The following CNTN3 variants were observed in gnomAD, a reference collection of about 807,000 sequenced individuals.
CNTN3 encodes contactin 3, also known as contactin-3.
Under a neutral mutation model 119.1 loss-of-function variants are expected in CNTN3, and 60 were observed. The ratio of observed to expected loss-of-function variants is 0.50; its 90% confidence interval spans 0.41 to 0.62. The LOEUF (loss-of-function observed/expected upper bound fraction) is 0.62. Ranked by LOEUF, CNTN3 falls within the 20% of genes least tolerant of loss-of-function variation. The pLI, the probability that CNTN3 is intolerant of heterozygous loss-of-function variation, is 0.00. For missense variants in CNTN3, 1,101 were observed against 1,242.4 expected (o/e 0.89, Z 1.71); for synonymous variants, 450 against 438.7 (o/e 1.03, Z -0.32).
chr3:74,526,316 C>T (rs1332731181), intron 1 of CNTN3, among the ~76,000 whole-genome samples: 1 of 151,798 alleles, frequency 6.6e-6, no homozygotes, highest in African/African-American at 2.4e-5. Flanking sequence ...TACTGTGAAT[C>T]TTCTAGAACT....
chr3:74,377,259 G>A (rs996610846), intron 5 of CNTN3, among the ~76,000 whole-genome samples: 1 of 152,008 alleles, frequency 6.6e-6, no homozygotes, highest in Non-Finnish European at 1.5e-5. Context: ...GAGAAGAGCT[G>A]CACTAACTTT....
In CNTN3 at chr3:74,408,152, C is replaced by T. The variant is rs540850159; in HGVS notation, c.454+16693G>A. ...AATTCTGCTCCACTGTGGGACGGTG[C>T]AAACTTCAAGCTAATGTGCTTCAAA... On this transcript the variant is annotated intron_variant, in intron 5 of 22. Coordinates refer to ENST00000263665, the MANE Select transcript of CNTN3 (RefSeq NM_020872.3). Among the ~76,000 whole-genome samples, 9 of 152,274 alleles carry T rather than the reference C, an allele frequency of 5.9e-5. No homozygotes were observed. In the South Asian group the frequency reaches 6.2e-4, roughly 11 times the overall value.
At chr3:74,546,032 G>T (rs952923825) in intron 1 of CNTN3, among the ~76,000 whole-genome samples, 15 of 151,182 alleles carry the variant, frequency 9.9e-5, no homozygotes, top group Admixed American at 4.6e-4. Context: ...GTCTCGCTCT[G>T]TCACCCAGGC....
At chr3:74,338,450 G>A (rs768959219) in intron 11 of CNTN3, among the ~76,000 whole-genome samples, 17 of 147,214 alleles carry the variant, frequency 1.2e-4, no homozygotes, top group Admixed American at 2.0e-4. Context: ...ATATACACAC[G>A]TGCACATATG....
At chr3:74,470,362 T>C (rs1418002457) in intron 4 of CNTN3, among the ~76,000 whole-genome samples, 2 of 152,084 alleles carry the variant, frequency 1.3e-5, no homozygotes, top group Non-Finnish European at 2.9e-5. Flanking sequence ...AGCTGTTATT[T>C]AAAAATAGTA....
At chr3:74,311,364 C>G (rs1244674815) in intron 13 of CNTN3, among the ~76,000 whole-genome samples, 1 of 151,898 alleles carries the variant, frequency 6.6e-6, no homozygotes, top group African/African-American at 2.4e-5. Context: ...AGACTATTTT[C>G]CTGGTAAAGT....
chr3:74,383,218 C>T (rs1320802951), intron 5 of CNTN3, among the ~76,000 whole-genome samples: 1 of 151,910 alleles, frequency 6.6e-6, no homozygotes, highest in African/African-American at 2.4e-5. Context: ...GATATAAAGA[C>T]ACTTCATTCT....
intron 5 of CNTN3, among the ~76,000 whole-genome samples, chr3:74,398,599 T>C (rs903234885): frequency 3.3e-5 from 5 of 152,210 alleles, no homozygotes; most frequent in Non-Finnish European, 7.4e-5. Flanking sequence ...ATCTGAGATA[T>C]GTCTGTACTT....
chr3:74,379,192 G>A (rs1414300089), intron 5 of CNTN3, among the ~76,000 whole-genome samples: 1 of 152,104 alleles, frequency 6.6e-6, no homozygotes, highest in African/African-American at 2.4e-5. Flanking sequence ...GTCTTGGTCT[G>A]TTGCCCAGGC....
chr3:74,466,341 A>G (rs1376502718), intron 4 of CNTN3, among the ~76,000 whole-genome samples: 2 of 152,154 alleles, frequency 1.3e-5, no homozygotes. Context: ...GCTGCTGACA[A>G]CACCAAAATA....
intron 5 of CNTN3, among the ~76,000 whole-genome samples, chr3:74,400,356 G>A (rs974468857): frequency 2.0e-5 from 3 of 152,090 alleles, no homozygotes; most frequent in Non-Finnish European, 4.4e-5. Context: ...TTGCTTTCTC[G>A]AGGAACGGCA....
At chr3:74,450,504 T>G (rs78225793) in intron 4 of CNTN3, among the ~76,000 whole-genome samples, 69,471 of 138,232 alleles carry the variant, frequency 0.5, 16,217 homozygotes, top group Non-Finnish European at 0.54. Flanking sequence ...GAAGCCCTGT[T>G]TTTTTTTTTT....
chr3:74,378,319 C>T (rs1469157386), intron 5 of CNTN3, among the ~76,000 whole-genome samples: 2 of 152,214 alleles, frequency 1.3e-5, no homozygotes, highest in Non-Finnish European at 2.9e-5. Context: ...AACCGAAAGA[C>T]ATCTATCAGC....
Position 74,301,445 on chromosome 3 carries a change from C to T in CNTN3, c.2048G>A (p.Gly683Asp). 6.2e-7 allele frequency: 1 copy of T among 1,614,086 alleles called. No homozygotes were observed. Among genetic ancestry groups the T allele is most frequent in the Non-Finnish European group, 8.5e-7 (1 of 1,179,976 alleles). The part of the protein sequence containing the change: ...FRVVASNKIG[G>D]GEPSLPSEKV... ...TTCTGAGGGTAAACTTGGTTCTCCA[C>T]CTCCAATTTTGTTACTGGCTACAAC... The change falls in exon 16 of 23, where the codon GGT becomes GAT. Residue 683 changes from glycine (G) to aspartate (D), a missense_variant. Transcript: ENST00000263665.
At chr3:74,407,913 A>G (rs1701364108) in intron 5 of CNTN3, among the ~76,000 whole-genome samples, 2 of 152,176 alleles carry the variant, frequency 1.3e-5, no homozygotes, top group Admixed American at 6.5e-5. Flanking sequence ...TCTCTCCTGT[A>G]TGATAGGAAA....
chr3:74,480,283 T>C lies in CNTN3; in HGVS notation c.358+6173A>G, dbSNP rs558559058. Among the ~76,000 whole-genome samples the C allele has an allele frequency of 1.4e-3, 211 of 152,188 alleles. 1 individual carries two copies. The highest frequency in any genetic ancestry group is 6.3e-4 in the Non-Finnish European group (43 of 67,982). On this transcript the variant is annotated intron_variant, in intron 4 of 22. Coordinates refer to ENST00000263665, the MANE Select transcript of CNTN3 (RefSeq NM_020872.3). Reference sequence around the variant, plus strand: ...GTTTGAGAAACTGTCTTGTGATCACTGGGGACTCTATCCAGTTGTGGCACA... The same window carrying C: ...GTTTGAGAAACTGTCTTGTGATCACCGGGGACTCTATCCAGTTGTGGCACA...
At position 74,581,755 on chromosome 3, in the gene CNTN3, TA is replaced by T. The variant is rs1436003283; in HGVS notation, c.-81+32635del. On this transcript the variant is annotated intron_variant, in intron 1 of 22. Coordinates refer to ENST00000263665, the MANE Select transcript of CNTN3 (RefSeq NM_020872.3). ...AGACAGTGTAGAATTTGCATAAAGA[TA>T]GACAAATAGAGCAAGAAAAAAGAAT... 1.3e-5 allele frequency among the ~76,000 whole-genome samples: 2 copies of T among 152,084 alleles called. 1 individual carries two copies. The highest frequency in any genetic ancestry group is 1.3e-4 in the Admixed American group (2 of 15,270).
chr3:74,466,442 A>AT (rs1402286556), intron 4 of CNTN3, among the ~76,000 whole-genome samples: 1 of 152,204 alleles, frequency 6.6e-6, no homozygotes, highest in Non-Finnish European at 1.5e-5. Flanking sequence ...AATGAAATTT[A>AT]TATCGATTCC....
At chr3:74,586,459 G>A (rs549956260) in intron 1 of CNTN3, among the ~76,000 whole-genome samples, 6 of 152,016 alleles carry the variant, frequency 3.9e-5, no homozygotes, top group South Asian at 4.2e-4. Context: ...AATATAATAC[G>A]CAATTTAAGG....
Sources: allele counts gnomAD v4.1 joint callset (sites outside exome capture counted in the v4.1 genomes callset), GRCh38; gene constraint gnomAD v4.1.1; transcripts MANE v1.5; gene names NCBI Gene and HGNC (gene_info 2026-07-23, HGNC 2026-07-21).